GIT2: variants seen among roughly 807,000 people sequenced by gnomAD.
GIT2 encodes GIT ArfGAP 2.
In GIT2, 32 loss-of-function variants were observed where a neutral mutation model predicts 100.3. The observed-to-expected ratio is 0.32, with a 90% CI of 0.24 to 0.43. GIT2 has a LOEUF of 0.43. GIT2 is among the 20% of genes least tolerant of loss of function. The probability of loss-of-function intolerance (pLI) is 1.00; values close to 1 mark genes in which losing one functional copy is unlikely to be tolerated. For synonymous variants in GIT2, 353 were observed against 364.1 expected (o/e 0.97, Z 0.35); for missense variants, 737 against 975.1 (o/e 0.76, Z 3.25).
chr12:109,934,230 G>A lies in GIT2; in HGVS notation c.2004-145C>T, dbSNP rs1406919432. On this transcript the variant is annotated intron_variant, in intron 18 of 19. Transcript: ENST00000355312. The surrounding 1 kb of genome is among the most constrained non-coding windows in gnomAD (Gnocchi z 4.5). ...CAGCCGTGCATCCCACACCACCAGA[G>A]GGCACATGGTTATAAAGCAGGACTC... 3 of 633,378 alleles carry A rather than the reference G, an allele frequency of 4.7e-6. No homozygotes were observed. In the African/African-American group the frequency reaches 5.5e-5, roughly 12 times the overall value. The allele number at this position is 633,378 out of a possible 1,614,324, so 39.2% of individuals were successfully genotyped here.
intron 1 of GIT2, 77 bp from the exon 2 acceptor site, chr12:109,991,837 G>A: frequency 2.2e-6 from 3 of 1,338,442 alleles, no homozygotes; most frequent in Non-Finnish European, 3.2e-6. Flanking sequence ...GATGACTGAA[G>A]TTTGGTTTGT....
At position 109,938,552 on chromosome 12, in the gene GIT2, G is replaced by C; in HGVS notation, c.1831C>G (p.Arg611Gly). The change falls in exon 18 of 20, where the codon CGG becomes GGG. Residue 611 changes from arginine (R) to glycine (G), a missense_variant. Coordinates refer to ENST00000355312, the MANE Select transcript of GIT2 (RefSeq NM_057169.5). ...PDGMGSSRKG[R>G]QRSMVWPGDG... is the part of the protein sequence containing the mutation. ...CCTGGCCACACCATACTTCTTTGCCGTCCCTTTCGGCTTGACCTGTGAACA... is the reference window on the plus strand; with the variant it reads ...CCTGGCCACACCATACTTCTTTGCCCTCCCTTTCGGCTTGACCTGTGAACA... The C allele has an allele frequency of 6.3e-6, 10 of 1,599,650 alleles. No homozygotes were observed. Among genetic ancestry groups the C allele is most frequent in the Non-Finnish European group, 7.7e-6 (9 of 1,173,844 alleles).
intron 3 of GIT2, 124 bp from the exon 4 acceptor site, chr12:109,989,192 C>T: frequency 1.5e-6 from 1 of 683,988 alleles, no homozygotes; most frequent in South Asian, 1.7e-5. Context: ...GAACAATGCT[C>T]AAGTAAGTTT....
Position 109,938,516 on chromosome 12 carries a change from C to G in GIT2, c.1867G>C (p.Val623Leu). 6.2e-7 allele frequency: 1 copy of G among 1,612,692 alleles called. No individual in the cohort carries two copies. The highest frequency in any genetic ancestry group is 8.5e-7 in the Non-Finnish European group (1 of 1,179,474). Residue 623 changes from valine to leucine, a missense_variant, in exon 18 of 20, where the codon GTA (valine) becomes CTA (leucine). By Grantham distance (32) the Val-to-Leu change is conservative. Coordinates refer to ENST00000355312, the MANE Select transcript of GIT2 (RefSeq NM_057169.5). ...ACATGGGGTTCTGCTGTGTCTGGTA[C>G]CAAGCCATCCCCTGGCCACACCATA... Reference protein sequence around the residue: ...RSMVWPGDGLVPDTAEPHVAP... With the variant: ...RSMVWPGDGLLPDTAEPHVAP...
intron 12 of GIT2, among the ~76,000 whole-genome samples, chr12:109,956,614 G>A (rs1413113400): frequency 6.6e-6 from 1 of 152,192 alleles, no homozygotes; most frequent in African/African-American, 2.4e-5. Flanking sequence ...ATGTGCACAT[G>A]AGGATCAATT....
At chr12:109,983,272 A>G in intron 6 of GIT2, 101 bp downstream of exon 6, 2 of 1,024,374 alleles carry the variant, frequency 2.0e-6, no homozygotes, top group Non-Finnish European at 3.0e-6. Flanking sequence ...GTACATCTTT[A>G]AAGGGGTTCA....
chr12:109,988,290 T>C (rs1887764246), intron 4 of GIT2, among the ~76,000 whole-genome samples: 1 of 152,216 alleles, frequency 6.6e-6, no homozygotes, highest in Non-Finnish European at 1.5e-5. Flanking sequence ...AAAAAGCTAT[T>C]AATTAATGAA....
chr12:109,960,708 G>A (rs1040245797), intron 11 of GIT2, among the ~76,000 whole-genome samples: 2 of 152,206 alleles, frequency 1.3e-5, no homozygotes, highest in Admixed American at 1.3e-4. Context: ...CTTGATGGAT[G>A]TGTTAGCTGT....
intron 13 of GIT2, 91 bp from the exon 14 acceptor site, chr12:109,951,407 G>A (rs1254981201): frequency 3.2e-5 from 34 of 1,067,902 alleles, no homozygotes; most frequent in Admixed American, 1.5e-4. Flanking sequence ...GACCAAGCCA[G>A]CTGAATTGCA....
upstream of GIT2, chr12:109,999,550 C>A: frequency 1.8e-6 from 1 of 570,826 alleles, no homozygotes; most frequent in Non-Finnish European, 2.6e-6. This position sits in a 1 kb window ranked among gnomAD's most constrained non-coding sequence, Gnocchi z 4.3. Context: ...CCGCACCCGA[C>A]CGGCTCAGCC....
chr12:109,988,621 G>A (rs1001040427), intron 4 of GIT2, among the ~76,000 whole-genome samples: 1 of 152,070 alleles, frequency 6.6e-6, no homozygotes, highest in Non-Finnish European at 1.5e-5. Flanking sequence ...AGGAGGCCGA[G>A]GCAGACGGAT....
In GIT2 at chr12:109,948,507, G is replaced by A. The variant is rs1040552581; in HGVS notation, c.1393-1003C>T. On this transcript the variant is annotated intron_variant, in intron 14 of 19. Coordinates refer to ENST00000355312, the MANE Select transcript of GIT2 (RefSeq NM_057169.5). The surrounding 1 kb of genome is among the most constrained non-coding windows in gnomAD (Gnocchi z 4.3). ...TCAGCAGGGAATCGTGTTACTCTTT[G>A]GCATCTGGCATTTTAAACACCATTC... 7.3e-6 allele frequency: 9 copies of A among 1,228,440 alleles called. No homozygotes were observed. The highest frequency in any genetic ancestry group is 2.4e-5 in the South Asian group (1 of 41,206). The allele number at this position is 1,228,440 out of a possible 1,614,324, so 76.1% of individuals were successfully genotyped here.
intron 16 of GIT2, chr12:109,942,886 C>T (rs1227692160): frequency 1.3e-5 from 2 of 152,168 alleles, no homozygotes; most frequent in South Asian, 2.1e-4. Context: ...AGCATATGTA[C>T]AGAATTTCAG....
rs572486948 is a variant in GIT2, at chr12:109,952,246, T to A, written c.1242+846A>T. ...TTCCTATTCATCCATTCTCAAATGA[T>A]TGCCAAGCCCCTCTGTGGGTGTGTC... On this transcript the variant is annotated intron_variant, in intron 13 of 19. Transcript: ENST00000355312. 1.8e-4 allele frequency among the ~76,000 whole-genome samples: 28 copies of A among 152,304 alleles called. No homozygotes were observed. In the South Asian group the frequency reaches 5.0e-3, roughly 27 times the overall value.
intron 7 of GIT2, among the ~76,000 whole-genome samples, chr12:109,975,992 A>T (rs1203178932): frequency 6.6e-6 from 1 of 151,512 alleles, no homozygotes; most frequent in Non-Finnish European, 1.5e-5. Context: ...GGATGGTCTC[A>T]ATCTCTTGAC....
chr12:109,967,313 C>T, intron 8 of GIT2, 145 bp downstream of exon 8: 1 of 1,595,992 alleles, frequency 6.3e-7, no homozygotes, highest in South Asian at 1.1e-5. Flanking sequence ...GGTTTACTTA[C>T]AGCCGTCTTA....
At position 109,938,520 on chromosome 12, in the gene GIT2, G is replaced by C. The variant is rs748076852; in HGVS notation, c.1863C>G (p.Gly621=). Residue 621 remains glycine (G), a synonymous_variant, in exon 18 of 20, where the codon GGC becomes GGG. Coordinates refer to ENST00000355312, the MANE Select transcript of GIT2 (RefSeq NM_057169.5). The stretch of plus-strand genomic sequence containing the variant: ...GGGGTTCTGCTGTGTCTGGTACCAA[G>C]CCATCCCCTGGCCACACCATACTTC... ...RQRSMVWPGD[G]LVPDTAEPHV... 6.2e-7 allele frequency: 1 copy of C among 1,612,316 alleles called. No homozygotes were observed. The highest frequency in any genetic ancestry group is 1.7e-5 in the Admixed American group (1 of 59,536).
chr12:109,967,945 C>T (rs7316863), intron 7 of GIT2, among the ~76,000 whole-genome samples: 3,302 of 152,310 alleles, frequency 0.022, 110 homozygotes, highest in African/African-American at 0.075. Flanking sequence ...CAGACAGGGA[C>T]TCCATCTGCA....
chr12:109,969,859 G>A (rs1385978744), intron 7 of GIT2, among the ~76,000 whole-genome samples: 6 of 151,700 alleles, frequency 4.0e-5, no homozygotes, highest in Non-Finnish European at 8.8e-5. Context: ...GGATTCAAGC[G>A]ATTCTCCTGC....
Sources: allele counts gnomAD v4.1 joint callset (sites outside exome capture counted in the v4.1 genomes callset), GRCh38; gene constraint gnomAD v4.1.1; non-coding constraint Gnocchi (gnomAD v3.1); transcripts MANE v1.5; gene names NCBI Gene and HGNC (gene_info 2026-07-23, HGNC 2026-07-21).